YTHDF2: variants seen among roughly 807,000 people sequenced by gnomAD.
The protein encoded by YTHDF2 is YTH domain-containing family protein 2.
A neutral mutation model predicts 50.4 loss-of-function variants in YTHDF2; 2 were observed. The observed-to-expected ratio is 0.04, with a 90% confidence interval of 0.02 to 0.12. The LOEUF is 0.12. Among genes scored for constraint, YTHDF2 ranks in the 10% least tolerant of loss-of-function variants. YTHDF2 has a pLI of 1.00. For synonymous variants in YTHDF2, 217 were observed against 255.6 expected, an observed-to-expected ratio of 0.85 and a Z score of 1.44; for missense variants, 483 against 722.6, an observed-to-expected ratio of 0.67 and a Z score of 3.80.
Position 28,743,087 on chromosome 1 carries a change from A to G in YTHDF2, c.817A>G (p.Met273Val). Residue 273 changes from methionine to valine, a missense_variant, in exon 4 of 5, where the codon ATG becomes GTG. Transcript: ENST00000373812. The surrounding 1 kb of genome is among the most constrained non-coding windows in gnomAD (Gnocchi z 6.9). ...SLPPPPIKHN[M>V]DIGTWDNKGP... ...TCCGCCACCCCCGATAAAGCATAAC[A>G]TGGATATTGGAACTTGGGATAACAA... is the stretch of plus-strand genomic sequence containing the variant. 3 of 1,614,174 alleles carry G rather than the reference A, an allele frequency of 1.9e-6. No individual in the cohort carries two copies. The highest frequency in any genetic ancestry group is 2.5e-6 in the Non-Finnish European group (3 of 1,180,024).
chr1:28,763,103 A>G (rs1327231380), intron 4 of YTHDF2, among the ~76,000 whole-genome samples: 1 of 152,192 alleles, frequency 6.6e-6, no homozygotes, highest in Non-Finnish European at 1.5e-5. Flanking sequence ...CTGGCATTAC[A>G]GGCATGAGCC....
At chr1:28,738,562 A>T (rs2087730413) in intron 3 of YTHDF2, among the ~76,000 whole-genome samples, 1 of 152,054 alleles carries the variant, frequency 6.6e-6, no homozygotes. Flanking sequence ...CTCCTGTCTC[A>T]GCCTCCCGAG....
intron 2 of YTHDF2, among the ~76,000 whole-genome samples, chr1:28,737,989 C>T (rs1288534196): frequency 6.6e-6 from 1 of 151,938 alleles, no homozygotes; most frequent in Non-Finnish European, 1.5e-5. Flanking sequence ...TGGAAGTACT[C>T]TCATGTGATG....
intron 4 of YTHDF2, among the ~76,000 whole-genome samples, chr1:28,755,857 A>G (rs900406570): frequency 6.6e-6 from 1 of 152,192 alleles, no homozygotes; most frequent in Non-Finnish European, 1.5e-5. Context: ...GTATGTATCT[A>G]CAAATATTCA....
intron 4 of YTHDF2, among the ~76,000 whole-genome samples, chr1:28,744,723 C>T (rs144552348): frequency 1.7e-3 from 264 of 152,110 alleles, no homozygotes; most frequent in African/African-American, 6.1e-3. Context: ...GGCTGGAGTG[C>T]AGTGGCATGA....
At chr1:28,764,194 G>A (rs184669107) in intron 4 of YTHDF2, among the ~76,000 whole-genome samples, 1 of 150,712 alleles carries the variant, frequency 6.6e-6, no homozygotes, top group African/African-American at 2.4e-5. Flanking sequence ...CAGGTGATCC[G>A]CCCACCTCGG....
rs1326100327 is a variant in YTHDF2, at chr1:28,769,290, C to T, written c.*338C>T. The T allele has an allele frequency of 1.1e-5, 2 of 177,538 alleles. No homozygotes were observed. Among genetic ancestry groups the T allele is most frequent in the East Asian group, 2.8e-4 (2 of 7,074 alleles). 11.0% of individuals were successfully genotyped at this position (177,538 alleles called of 1,614,324 possible). On this transcript the variant is annotated 3_prime_UTR_variant, in exon 5 of 5. Coordinates refer to ENST00000373812, the MANE Select transcript of YTHDF2 (RefSeq NM_016258.3). ...GGATTTTTAAGTCCGTAAGTGCATA[C>T]AGTTTTCTCTAATTTTTAAACCCTT... is the stretch of plus-strand genomic sequence containing the variant.
Position 28,737,059 on chromosome 1 carries a change from T to TGCCGCCGCCGCCGCGCTGAGGAGAGTTC in YTHDF2, c.-54_-27dup, listed in dbSNP as rs1243531670. On this transcript the variant is annotated 5_prime_UTR_variant, in exon 1 of 5. Coordinates refer to ENST00000373812, the MANE Select transcript of YTHDF2 (RefSeq NM_016258.3). ...CCTGCTCCCGCAGACGGGGCTCATC[T>TGCCGCCGCCGCCGCGCTGAGGAGAGTTC]GCCGCCGCCGCCGCGCTGAGGAGAG... The TGCCGCCGCCGCCGCGCTGAGGAGAGTTC allele has an allele frequency of 6.8e-7, 1 of 1,479,992 alleles. No individual in the cohort carries two copies. Among genetic ancestry groups the TGCCGCCGCCGCCGCGCTGAGGAGAGTTC allele is most frequent in the African/African-American group, 1.4e-5 (1 of 70,902 alleles). 91.7% of individuals were successfully genotyped at this position (1,479,992 alleles called of 1,614,324 possible).
intron 4 of YTHDF2, among the ~76,000 whole-genome samples, chr1:28,749,109 G>A (rs890159734): frequency 5.4e-5 from 8 of 148,218 alleles, no homozygotes; most frequent in African/African-American, 1.7e-4. Flanking sequence ...TTCCTGAAAA[G>A]TTTTGTTGAG....
Position 28,742,900 on chromosome 1 carries a change from T to A in YTHDF2, c.630T>A (p.Ala210=). The change falls in exon 4 of 5, where the codon GCT becomes GCA. Residue 210 remains alanine (A), a synonymous_variant. Coordinates refer to ENST00000373812, the MANE Select transcript of YTHDF2 (RefSeq NM_016258.3). The stretch of plus-strand genomic sequence containing the variant: ...ATGTTCCAAAAGTTGTAGGTTCTGC[T>A]GTTGGTAGCGGGTCCATTACTAGTA... ...ASNVPKVVGS[A]VGSGSITSNI... 3 of 1,614,176 alleles carry A rather than the reference T, an allele frequency of 1.9e-6. No individual in the cohort carries two copies. The highest frequency in any genetic ancestry group is 3.3e-4 in the Middle Eastern group (2 of 6,062).
intron 4 of YTHDF2, among the ~76,000 whole-genome samples, chr1:28,757,566 AG>A (rs1240288568): frequency 2.1e-5 from 3 of 146,254 alleles, no homozygotes; most frequent in Non-Finnish European, 1.5e-5. Flanking sequence ...CATTTTAAGA[AG>A]ATAGACTTAA....
chr1:28,757,949 G>GT (rs2088059960), intron 4 of YTHDF2, among the ~76,000 whole-genome samples: 1 of 152,034 alleles, frequency 6.6e-6, no homozygotes, highest in African/African-American at 2.4e-5. Context: ...TCAATCTCTT[G>GT]TAATAATCCT....
intron 4 of YTHDF2, among the ~76,000 whole-genome samples, chr1:28,764,690 G>A (rs476178): frequency 0.99 from 143,075 of 144,776 alleles, 70,689 homozygotes; most frequent in Middle Eastern, 1. Context: ...TACAGGCGTG[G>A]GCCATCGTGC....
At position 28,743,406 on chromosome 1, in the gene YTHDF2, G is replaced by A. The variant is rs1445956439; in HGVS notation, c.1136G>A (p.Gly379Glu). Residue 379 changes from glycine to glutamate, a missense_variant, in exon 4 of 5, where the codon GGA becomes GAA. Gly to Glu is a moderately conservative substitution (Grantham distance 98, BLOSUM62 -2). Coordinates refer to ENST00000373812, the MANE Select transcript of YTHDF2 (RefSeq NM_016258.3). This position sits in a 1 kb window ranked among gnomAD's most constrained non-coding sequence, Gnocchi z 6.9. ...NGVGQSQAGS[G>E]STPSEPHPVL... is the part of the protein sequence containing the mutation. ...GTAGGACAGTCTCAGGCTGGTTCTG[G>A]ATCTACTCCTTCAGAACCCCACCCA... The A allele has an allele frequency of 6.2e-7, 1 of 1,614,002 alleles. No homozygotes were observed. The highest frequency in any genetic ancestry group is 8.5e-7 in the Non-Finnish European group (1 of 1,180,036).
chr1:28,757,594 T>A (rs956023835), intron 4 of YTHDF2, among the ~76,000 whole-genome samples: 323 of 25,070 alleles, frequency 0.013, no homozygotes, highest in Middle Eastern at 0.028. Context: ...TTCATGTGAG[T>A]TTTTTTTGAG....
chr1:28,754,847 T>C (rs1355950656), intron 4 of YTHDF2, among the ~76,000 whole-genome samples: 1 of 150,736 alleles, frequency 6.6e-6, no homozygotes, highest in Non-Finnish European at 1.5e-5. Flanking sequence ...TGTGTGCCTA[T>C]AGTCCTATAG....
At chr1:28,767,382 G>A (rs1213308610) in intron 4 of YTHDF2, among the ~76,000 whole-genome samples, 3 of 152,110 alleles carry the variant, frequency 2.0e-5, no homozygotes, top group Non-Finnish European at 4.4e-5. Context: ...TAGGAAAAAG[G>A]ACATCTATAG....
intron 1 of YTHDF2, 42 bp downstream of exon 1, chr1:28,737,189 A>G (rs1441810514): frequency 2.6e-6 from 4 of 1,540,582 alleles, no homozygotes; most frequent in Non-Finnish European, 3.5e-6. Flanking sequence ...GTGTGAGGCG[A>G]GAAGGAGCCC....
Position 28,738,217 on chromosome 1 carries a change from T to A in YTHDF2, c.53-42T>A, listed in dbSNP as rs74701448. On this transcript the variant is annotated intron_variant, in intron 2 of 4. Coordinates refer to ENST00000373812, the MANE Select transcript of YTHDF2 (RefSeq NM_016258.3). ...ATATGAACTAATTTGAAAGGAAGAT[T>A]GTAGGATTGGGACACTCCTAATTGA... is the stretch of plus-strand genomic sequence containing the variant. The A allele has an allele frequency of 1.5e-4, 227 of 1,477,062 alleles. No homozygotes were observed. The East Asian group carries it at 2.0e-3, about 13-fold the overall frequency. The allele number at this position is 1,477,062 out of a possible 1,614,324, so 91.5% of individuals were successfully genotyped here.
Sources: allele counts gnomAD v4.1 joint callset (sites outside exome capture counted in the v4.1 genomes callset), GRCh38; gene constraint gnomAD v4.1.1; non-coding constraint Gnocchi (gnomAD v3.1); transcripts MANE v1.5; gene names NCBI Gene and HGNC (gene_info 2026-07-23, HGNC 2026-07-21).